Variants in SLC6A13 observed in about 807,000 individuals in gnomAD.
SLC6A13 encodes sodium- and chloride-dependent GABA transporter 2.
In SLC6A13, 69 loss-of-function variants were observed where a neutral mutation model predicts 72.9. That is an observed-to-expected ratio of 0.95 (90% CI 0.78 to 1.16). The LOEUF (loss-of-function observed/expected upper bound fraction) is 1.16, where lower values mean the gene tolerates loss of function less well. Ranked by LOEUF, SLC6A13 falls within the 50% of genes most tolerant of loss-of-function variation. SLC6A13 has a pLI of 0.00. For missense variants in SLC6A13, 735 were observed against 760.5 expected (o/e 0.97, Z 0.39); for synonymous variants, 303 against 303.0 (o/e 1.00, Z 0.00).
At position 248,673 on chromosome 12, in the gene SLC6A13, C is replaced by A. The variant is rs1942439554; in HGVS notation, c.203-4860G>T. ...ACAAAGAGAAACATATAAACTAATT[C>A]CTGATAAATGTTAAAAACGTTAATA... On this transcript the variant is annotated intron_variant, in intron 2 of 14. Transcript: ENST00000343164. Among the ~76,000 whole-genome samples, 12 of 152,200 alleles carry A rather than the reference C, an allele frequency of 7.9e-5. 1 individual carries two copies. In the South Asian group the frequency reaches 1.9e-3, roughly 24 times the overall value.
Position 250,832 on chromosome 12 carries a change from C to A in SLC6A13, c.203-7019G>T, listed in dbSNP as rs147415990. On this transcript the variant is annotated intron_variant, in intron 2 of 14. Transcript: ENST00000343164. ...AATGATAAGGACCCAAAATAGCCCCCCAAAAAAAAAAAAAAAAAAACCTAA... is the reference window on the plus strand; with the variant it reads ...AATGATAAGGACCCAAAATAGCCCCACAAAAAAAAAAAAAAAAAAACCTAA... 8.4e-3 allele frequency among the ~76,000 whole-genome samples: 38 copies of A among 4,504 alleles called. 8 individuals carry two copies. The highest frequency in any genetic ancestry group is 0.031 in the Non-Finnish European group (23 of 746). The allele number at this position is 4,504 out of a possible 152,430, so 3.0% of individuals were successfully genotyped here.
chr12:229,337 C>G (rs1307038551), intron 7 of SLC6A13, among the ~76,000 whole-genome samples: 1 of 152,184 alleles, frequency 6.6e-6, no homozygotes, highest in African/African-American at 2.4e-5. Context: ...TGAGGAGATG[C>G]CTTGGCCAGT....
rs747232482 is a variant in SLC6A13, at chr12:224,076, C to T, written c.1227G>A (p.Val409=). 15 of 1,614,186 alleles carry T rather than the reference C, an allele frequency of 9.3e-6. No homozygotes were observed. The Admixed American group carries it at 1.5e-4, about 16-fold the overall frequency. The change falls in exon 11 of 15, where the codon GTG becomes GTA. Residue 409 remains valine (V), a synonymous_variant. Transcript: ENST00000343164. The part of the protein sequence containing the change: ...VTALVDMYPH[V]FRKKNRREVL... Reference sequence around the variant, plus strand: ...CTTCCCTCCGGTTCTTCTTGCGGAACACGTGAGGGTACATGTCCACCAGCG... The same window carrying T: ...CTTCCCTCCGGTTCTTCTTGCGGAATACGTGAGGGTACATGTCCACCAGCG...
intron 1 of SLC6A13, among the ~76,000 whole-genome samples, chr12:261,718 G>A (rs993276135): frequency 3.3e-5 from 5 of 152,148 alleles, no homozygotes; most frequent in Non-Finnish European, 7.3e-5. Flanking sequence ...CTGAGGTCAG[G>A]AGTTTGAGAC....
intron 12 of SLC6A13, 42 bp from the exon 13 acceptor site, chr12:222,674 C>A: frequency 1.5e-6 from 2 of 1,331,176 alleles, no homozygotes; most frequent in African/African-American, 1.4e-5. Flanking sequence ...GAAAGTCATT[C>A]TTTGGCACCC....
chr12:234,567 G>A (rs1300967397), intron 7 of SLC6A13, among the ~76,000 whole-genome samples: 1 of 151,858 alleles, frequency 6.6e-6, no homozygotes, highest in Non-Finnish European at 1.5e-5. Flanking sequence ...GCCCAGGCTA[G>A]AGTGCAGTGG....
intron 8 of SLC6A13, 53 bp from the exon 9 acceptor site, chr12:226,567 C>A: frequency 1.3e-6 from 2 of 1,578,360 alleles, no homozygotes; most frequent in Admixed American, 1.8e-5. Flanking sequence ...AACAGGGCTG[C>A]AACCTCTCCT....
chr12:241,584 T>C (rs149544739), intron 4 of SLC6A13, among the ~76,000 whole-genome samples: 2 of 152,312 alleles, frequency 1.3e-5, no homozygotes, highest in Non-Finnish European at 2.9e-5. Context: ...TAACCACACA[T>C]AGGAGTCACT....
intron 4 of SLC6A13, among the ~76,000 whole-genome samples, chr12:241,740 A>G (rs1942174896): frequency 6.6e-6 from 1 of 152,214 alleles, no homozygotes; most frequent in Admixed American, 6.5e-5. Context: ...GCATTGCCCT[A>G]GATATTTTTG....
chr12:237,710 G>A (rs954856766), intron 5 of SLC6A13, among the ~76,000 whole-genome samples: 6 of 152,148 alleles, frequency 3.9e-5, no homozygotes, highest in Admixed American at 1.3e-4. Flanking sequence ...GCGGGGGTGC[G>A]GGCAAGGAAG....
intron 8 of SLC6A13, 103 bp from the exon 9 acceptor site, chr12:226,617 G>C: frequency 7.1e-7 from 1 of 1,406,422 alleles, no homozygotes; most frequent in Non-Finnish European, 9.5e-7. Context: ...GGCGGACACT[G>C]TCCTGGCCCC....
chr12:223,901 G>A (rs1591820219), intron 11 of SLC6A13, 91 bp downstream of exon 11: 1 of 1,484,538 alleles, frequency 6.7e-7, no homozygotes, highest in East Asian at 2.3e-5. Flanking sequence ...GACCTGCCCT[G>A]ACCGGGAGCC....
intron 2 of SLC6A13, among the ~76,000 whole-genome samples, chr12:250,026 C>T (rs1942481765): frequency 6.6e-6 from 1 of 152,004 alleles, no homozygotes; most frequent in African/African-American, 2.4e-5. Flanking sequence ...ATCCTGTTAA[C>T]AAATTACAAA....
At chr12:261,197 A>G (rs1942915645) in intron 1 of SLC6A13, among the ~76,000 whole-genome samples, 1 of 152,256 alleles carries the variant, frequency 6.6e-6, no homozygotes, top group Non-Finnish European at 1.5e-5. Context: ...GACGTGGCCC[A>G]CATTTAGTTA....
chr12:228,362 G>A (rs974005303), intron 7 of SLC6A13, among the ~76,000 whole-genome samples: 3 of 152,106 alleles, frequency 2.0e-5, no homozygotes, highest in African/African-American at 7.2e-5. Context: ...CAAGGCAACA[G>A]GACCGAGCGA....
intron 6 of SLC6A13, among the ~76,000 whole-genome samples, chr12:236,321 C>T (rs1221337499): frequency 6.6e-6 from 1 of 152,212 alleles, no homozygotes; most frequent in Non-Finnish European, 1.5e-5. Flanking sequence ...GGCATCGTGG[C>T]CCTACCAATA....
chr12:225,789 A>C (rs497740), intron 9 of SLC6A13, among the ~76,000 whole-genome samples: 76,270 of 152,084 alleles, frequency 0.5, 20,767 homozygotes, highest in African/African-American at 0.73. Flanking sequence ...AAAAAATCAT[A>C]TTATTACAGG....
chr12:232,395 C>T (rs1243836175), intron 7 of SLC6A13, among the ~76,000 whole-genome samples: 5 of 152,216 alleles, frequency 3.3e-5, no homozygotes, highest in Non-Finnish European at 7.3e-5. Context: ...TTCAAAGCCT[C>T]CCCTCCACTC....
chr12:255,903 C>A (rs985592178), intron 2 of SLC6A13, among the ~76,000 whole-genome samples: 2 of 152,108 alleles, frequency 1.3e-5, no homozygotes, highest in African/African-American at 4.8e-5. Flanking sequence ...AACAAGCCAG[C>A]CAGACTCTTG....
Sources: gnomAD v4.1 joint callset for allele counts (sites outside exome capture counted in the v4.1 genomes callset) on GRCh38, gnomAD v4.1.1 for gene constraint, MANE v1.5 for transcripts, NCBI Gene and HGNC (gene_info 2026-07-23, HGNC 2026-07-21) for gene names.